UBXN4: variants seen among roughly 807,000 people sequenced by gnomAD.
UBXN4 encodes UBX domain protein 4.
A neutral mutation model predicts 66.2 loss-of-function variants in UBXN4; 35 were observed. That is an observed-to-expected ratio of 0.53 (90% CI 0.40 to 0.70). UBXN4 has a LOEUF of 0.70. UBXN4 is among the 30% of genes least tolerant of loss of function. The pLI, the probability that UBXN4 is intolerant of heterozygous loss-of-function variation, is 0.00. For missense variants in UBXN4, 533 were observed against 599.8 expected, an observed-to-expected ratio of 0.89 and a Z score of 1.16; for synonymous variants, 203 against 204.5, an observed-to-expected ratio of 0.99 and a Z score of 0.06.
chr2:135,753,198 ATT>A (rs901550590), intron 2 of UBXN4, among the ~76,000 whole-genome samples: 11 of 151,232 alleles, frequency 7.3e-5, no homozygotes, highest in African/African-American at 2.7e-4. Context: ...TAATTTTTGT[ATT>A]TTTAGTAGAG....
rs772272444 is a variant in UBXN4, at chr2:135,779,063, C to T, written c.1169C>T (p.Ser390Leu). 5.6e-6 allele frequency: 9 copies of T among 1,612,610 alleles called. No homozygotes were observed. The Admixed American group carries it at 6.7e-5, about 12-fold the overall frequency. The change falls in exon 11 of 13, where the codon TCG becomes TTG. Residue 390 changes from serine (S) to leucine (L), a missense_variant. Physicochemically the swap from Ser to Leu is moderately radical, Grantham distance 145. Coordinates refer to ENST00000272638, the MANE Select transcript of UBXN4 (RefSeq NM_014607.4). ...LLDLELAPSASVVLLPAGRPT... is the reference protein window; with the variant it reads ...LLDLELAPSALVVLLPAGRPT... ...GATTTGGAACTTGCCCCAAGCGCTT[C>T]GGTGGTACTGTTGCCAGTATGTATA...
intron 5 of UBXN4, among the ~76,000 whole-genome samples, chr2:135,761,535 A>G (rs1559540545): frequency 6.6e-6 from 1 of 152,216 alleles, no homozygotes; most frequent in African/African-American, 2.4e-5. Flanking sequence ...GGCTACCCAT[A>G]GCCAGGCATG....
intron 1 of UBXN4, chr2:135,747,997 G>T: frequency 3.0e-6 from 1 of 334,892 alleles, no homozygotes; most frequent in South Asian, 3.8e-5. Context: ...TATTATTGTG[G>T]TACTTTGCGC....
intron 12 of UBXN4, among the ~76,000 whole-genome samples, chr2:135,780,796 AT>A (rs1263249100): frequency 1.3e-5 from 2 of 152,172 alleles, no homozygotes; most frequent in African/African-American, 4.8e-5. Context: ...TGTTTTGATC[AT>A]TTTAACCCTG....
At chr2:135,775,631 G>A (rs1479420558) in intron 9 of UBXN4, among the ~76,000 whole-genome samples, 1 of 152,176 alleles carries the variant, frequency 6.6e-6, no homozygotes, top group Non-Finnish European at 1.5e-5. Context: ...TCTGGAGGAG[G>A]GAGGGATGGG....
intron 7 of UBXN4, 50 bp downstream of exon 7, chr2:135,769,873 G>GTGCT (rs1559542350): frequency 6.9e-7 from 1 of 1,454,126 alleles, no homozygotes; most frequent in Non-Finnish European, 9.4e-7. Context: ...AACTGAGGTT[G>GTGCT]TGATTGATTA....
chr2:135,783,028 G>A lies in UBXN4; in HGVS notation c.*141G>A. 2 of 844,458 alleles carry A rather than the reference G, an allele frequency of 2.4e-6. No individual in the cohort carries two copies. The highest frequency in any genetic ancestry group is 3.5e-6 in the Non-Finnish European group (2 of 565,776). The allele number at this position is 844,458 out of a possible 1,614,324, so 52.3% of individuals were successfully genotyped here. ...CTTTATTCCTGCTTAGTGGGTGTGG[G>A]TTGAAGGTGTTTAACTCAGAAAAGT... is the stretch of plus-strand genomic sequence containing the variant. On this transcript the variant is annotated 3_prime_UTR_variant, in exon 13 of 13. Transcript: ENST00000272638.
Position 135,778,908 on chromosome 2 carries a change from T to G in UBXN4, c.1054-40T>G, listed in dbSNP as rs564728181. 3.1e-5 allele frequency: 49 copies of G among 1,563,134 alleles called. 1 individual carries two copies. The African/African-American group carries it at 4.4e-4, about 14-fold the overall frequency. On this transcript the variant is annotated intron_variant, in intron 10 of 12. Transcript: ENST00000272638. Reference sequence around the variant, plus strand: ...GGATTCATCTGAGTAATATCTTACTTTTAAAGGCACTCTTTAAGTTTTTAA... The same window carrying G: ...GGATTCATCTGAGTAATATCTTACTGTTAAAGGCACTCTTTAAGTTTTTAA...
intron 1 of UBXN4, 100 bp downstream of exon 1, chr2:135,742,111 G>A: frequency 7.1e-7 from 1 of 1,403,928 alleles, no homozygotes; most frequent in East Asian, 2.6e-5. Flanking sequence ...CCCGAGACGC[G>A]GGCTCCTGTC....
intron 6 of UBXN4, among the ~76,000 whole-genome samples, chr2:135,766,583 A>G (rs2077349706): frequency 6.6e-6 from 1 of 152,198 alleles, no homozygotes; most frequent in Admixed American, 6.5e-5. Context: ...AGTTGTTTCT[A>G]CAATGTCCTT....
rs376260245 is a variant in UBXN4, at chr2:135,754,759, C to G, written c.333+482C>G. Among the ~76,000 whole-genome samples, 4 of 151,980 alleles carry G rather than the reference C, an allele frequency of 2.6e-5. No homozygotes were observed. The South Asian group carries it at 8.3e-4, about 32-fold the overall frequency. On this transcript the variant is annotated intron_variant, in intron 4 of 12. Transcript: ENST00000272638. The stretch of plus-strand genomic sequence containing the variant: ...AGTTACAGGTGCCAGTAGCCAGTAC[C>G]TAATACTTGACTGACTTCTTTACCT...
In UBXN4 at chr2:135,748,337, C is replaced by G. The variant is rs774979794; in HGVS notation, c.153C>G (p.Asn51Lys). ...ATAAAGTTACAGAAGCATCTTCAAA[C>G]AGTTTTGTTGCTATTAAAATCGATA... ...EDDKVTEASS[N>K]SFVAIKIDTK... is the part of the protein sequence containing the mutation. The change falls in exon 2 of 13, where the codon AAC becomes AAG. Residue 51 changes from asparagine (N) to lysine (K), a missense_variant. Coordinates refer to ENST00000272638, the MANE Select transcript of UBXN4 (RefSeq NM_014607.4). 23 of 1,606,502 alleles carry G rather than the reference C, an allele frequency of 1.4e-5. No individual in the cohort carries two copies. The South Asian group carries it at 2.6e-4, about 18-fold the overall frequency.
intron 4 of UBXN4, among the ~76,000 whole-genome samples, chr2:135,755,108 T>A (rs144904510): frequency 6.6e-5 from 10 of 152,348 alleles, no homozygotes; most frequent in South Asian, 2.1e-4. Flanking sequence ...TCTCAACACA[T>A]AATGAATATC....
intron 5 of UBXN4, among the ~76,000 whole-genome samples, chr2:135,761,217 A>G (rs1489398640): frequency 1.3e-5 from 2 of 152,310 alleles, no homozygotes; most frequent in East Asian, 3.9e-4. Context: ...AGAATAGGCT[A>G]GGACAAAAGT....
chr2:135,776,444 G>A, intron 10 of UBXN4, 93 bp downstream of exon 10: 1 of 1,094,378 alleles, frequency 9.1e-7, no homozygotes, highest in Non-Finnish European at 1.3e-6. Flanking sequence ...GAATGTGAGT[G>A]AATTGTGACC....
At chr2:135,742,075 T>A in intron 1 of UBXN4, 64 bp downstream of exon 1, 1 of 1,561,282 alleles carries the variant, frequency 6.4e-7, no homozygotes, top group Non-Finnish European at 8.7e-7. Context: ...CATCCTCTTG[T>A]ATACCTCAGC....
intron 2 of UBXN4, among the ~76,000 whole-genome samples, chr2:135,751,979 T>A (rs1344497697): frequency 6.6e-6 from 1 of 152,204 alleles, no homozygotes; most frequent in Non-Finnish European, 1.5e-5. Flanking sequence ...AAAATATATT[T>A]ATGTTTGTTT....
intron 6 of UBXN4, among the ~76,000 whole-genome samples, chr2:135,766,485 T>C (rs1024003720): frequency 2.6e-5 from 4 of 152,206 alleles, no homozygotes; most frequent in Admixed American, 6.5e-5. Context: ...CAGTCAAGGA[T>C]TGTTCATTGC....
intron 9 of UBXN4, among the ~76,000 whole-genome samples, chr2:135,775,470 G>T (rs866927116): frequency 2.6e-5 from 4 of 152,142 alleles, no homozygotes; most frequent in Admixed American, 6.5e-5. Flanking sequence ...ATAGGAATAA[G>T]AACTGATACC....
Sources: allele counts gnomAD v4.1 joint callset (sites outside exome capture counted in the v4.1 genomes callset), GRCh38; gene constraint gnomAD v4.1.1; transcripts MANE v1.5; gene names NCBI Gene and HGNC (gene_info 2026-07-23, HGNC 2026-07-21).